Variants in DNAH8 observed in about 807,000 individuals in gnomAD.
DNAH8 encodes the protein dynein axonemal heavy chain 8.
DNAH8 carries 382 observed loss-of-function variants against 562.1 expected under a neutral mutation model. That is an observed-to-expected ratio of 0.68 (90% confidence interval 0.63 to 0.74). The LOEUF (loss-of-function observed/expected upper bound fraction) is 0.74. Ranked by LOEUF, DNAH8 falls within the 30% of genes least tolerant of loss-of-function variation. The pLI, the probability that DNAH8 is intolerant of heterozygous loss-of-function variation, is 0.00. For missense variants in DNAH8, 5,203 were observed against 5,620.4 expected, an observed-to-expected ratio of 0.93 and a Z score of 2.37; for synonymous variants, 1,881 against 1,919.4, an observed-to-expected ratio of 0.98 and a Z score of 0.52.
At chr6:38,970,070 C>A (rs541016103) in intron 82 of DNAH8, among the ~76,000 whole-genome samples, 21 of 152,220 alleles carry the variant, frequency 1.4e-4, no homozygotes, top group Admixed American at 1.2e-3. Flanking sequence ...CGCCTCTTGA[C>A]CCAATACCTG....
Position 38,790,309 on chromosome 6 carries a change from A to G in DNAH8, c.2685A>G (p.Gln895=), listed in dbSNP as rs878854273. 6.2e-7 allele frequency: 1 copy of G among 1,607,214 alleles called. No homozygotes were observed. Among genetic ancestry groups the G allele is most frequent in the Non-Finnish European group, 8.5e-7 (1 of 1,176,668 alleles). The part of the protein sequence containing the change: ...KMKKVESVLR[Q]GLTVLTWSSL... ...TCTAGGTGGAATCTGTGTTGAGGCA[A>G]GGACTCACAGTGTTAACATGGTCGT... Residue 895 remains glutamine, a synonymous_variant, in exon 20 of 93, where the codon CAA becomes CAG. Coordinates refer to ENST00000327475, the MANE Select transcript of DNAH8 (RefSeq NM_001206927.2).
At chr6:38,745,184 C>G (rs1764826627) in intron 8 of DNAH8, among the ~76,000 whole-genome samples, 1 of 152,180 alleles carries the variant, frequency 6.6e-6, no homozygotes, top group African/African-American at 2.4e-5. Flanking sequence ...ACACAACCTA[C>G]TGCAGGTGCA....
chr6:38,787,877 C>A (rs1738247), intron 18 of DNAH8, among the ~76,000 whole-genome samples: 95,724 of 151,802 alleles, frequency 0.63, 31,018 homozygotes, highest in East Asian at 0.85. Context: ...GCATTAACTC[C>A]TCTTCTTTGC....
At position 38,840,838 on chromosome 6, in the gene DNAH8, A is replaced by T. The variant is rs184535698; in HGVS notation, c.4467-1530A>T. Among the ~76,000 whole-genome samples, 27 of 152,274 alleles carry T rather than the reference A, an allele frequency of 1.8e-4. No homozygotes were observed. The East Asian group carries it at 3.7e-3, about 21-fold the overall frequency. ...ATGGTGTCTCTGGCATTCTTTTTAT[A>T]TACTTTTTTGAAAGATTTTGCAATA... is the stretch of plus-strand genomic sequence containing the variant. On this transcript the variant is annotated intron_variant, in intron 33 of 92. Transcript: ENST00000327475.
chr6:38,923,149 C>T lies in DNAH8; in HGVS notation c.10754C>T (p.Thr3585Ile), dbSNP rs1282978959. Residue 3585 changes from threonine to isoleucine, a missense_variant, in exon 72 of 93, where the codon ACC (threonine) becomes ATC (isoleucine). This residue lies in a region of DNAH8 where 1,399 missense variants were observed against 1,518.4 expected (regional missense o/e 0.92). Coordinates refer to ENST00000327475, the MANE Select transcript of DNAH8 (RefSeq NM_001206927.2). ...CTGAGTGGAGAAAAAATCCGGTGGA[C>T]CCAGCAAAGTAAAGAATTCAAAGCT... The part of the protein sequence containing the change: ...DGLSGEKIRW[T>I]QQSKEFKAQI... 2 of 1,613,630 alleles carry T rather than the reference C, an allele frequency of 1.2e-6. No homozygotes were observed. Among genetic ancestry groups the T allele is most frequent in the East Asian group, 2.2e-5 (1 of 44,794 alleles).
chr6:39,026,424 C>G lies in DNAH8; in HGVS notation c.13715-122C>G, dbSNP rs1583591612. The G allele has an allele frequency of 1.7e-5, 18 of 1,048,520 alleles. No individual in the cohort carries two copies. In the East Asian group the frequency reaches 4.4e-4, roughly 25 times the overall value. The allele number at this position is 1,048,520 out of a possible 1,614,324, so 65.0% of individuals were successfully genotyped here. On this transcript the variant is annotated intron_variant, in intron 91 of 92. Transcript: ENST00000327475. Reference sequence around the variant, plus strand: ...TGTCTCCCCTGGGGTTTGGCCTCAACTCCTTTTGAGATGGATGTGTAGTTT... The same window carrying G: ...TGTCTCCCCTGGGGTTTGGCCTCAAGTCCTTTTGAGATGGATGTGTAGTTT...
At chr6:38,947,736 TC>T (rs1761549396) in intron 80 of DNAH8, among the ~76,000 whole-genome samples, 1 of 147,984 alleles carries the variant, frequency 6.8e-6, no homozygotes, top group Non-Finnish European at 1.5e-5. Flanking sequence ...GTGAAACATT[TC>T]AGAAATCCTC....
chr6:38,978,452 A>C (rs1465717847), intron 85 of DNAH8, among the ~76,000 whole-genome samples: 5 of 152,222 alleles, frequency 3.3e-5, no homozygotes, highest in African/African-American at 1.2e-4. Flanking sequence ...GATGGTTATA[A>C]AATTCCTCAT....
At chr6:38,929,692 A>AT (rs767832447) in intron 75 of DNAH8, 26 bp downstream of exon 75, 2 of 1,420,194 alleles carry the variant, frequency 1.4e-6, no homozygotes, top group Non-Finnish European at 1.8e-6. Flanking sequence ...AAAAAAAAAA[A>AT]GAAAGAAAGA....
chr6:38,719,898 T>G (rs1205459616), intron 1 of DNAH8, among the ~76,000 whole-genome samples: 2 of 152,228 alleles, frequency 1.3e-5, no homozygotes, highest in Non-Finnish European at 2.9e-5. Flanking sequence ...GCAAGCTGGC[T>G]GTTTCTTCTC....
At chr6:38,805,413 G>T in intron 22 of DNAH8, 68 bp from the exon 23 acceptor site, 1 of 914,348 alleles carries the variant, frequency 1.1e-6, no homozygotes, top group Non-Finnish European at 1.8e-6. Context: ...AAGAGGATTT[G>T]GCCATGTAGA....
At chr6:38,858,195 C>G (rs1478259583) in intron 42 of DNAH8, among the ~76,000 whole-genome samples, 2 of 152,180 alleles carry the variant, frequency 1.3e-5, no homozygotes, top group Non-Finnish European at 2.9e-5. Context: ...AAATGGGACT[C>G]TAACCAGTGG....
In DNAH8 at chr6:38,766,686, A is replaced by G. The variant is rs199820436; in HGVS notation, c.1618-3727A>G. 3.3e-5 allele frequency among the ~76,000 whole-genome samples: 5 copies of G among 152,004 alleles called. No individual in the cohort carries two copies. The East Asian group carries it at 7.7e-4, about 24-fold the overall frequency. On this transcript the variant is annotated intron_variant, in intron 11 of 92. Coordinates refer to ENST00000327475, the MANE Select transcript of DNAH8 (RefSeq NM_001206927.2). ...GCTAAGAAAGTAGGTCACACCCCCAACCCCAAAAAGTAATTCACACCCCCC... is the reference window on the plus strand; with the variant it reads ...GCTAAGAAAGTAGGTCACACCCCCAGCCCCAAAAAGTAATTCACACCCCCC...
rs756700444 is a variant in DNAH8, at chr6:39,030,128, C to G, written c.13860C>G (p.Leu4620=). The G allele has an allele frequency of 4.3e-6, 7 of 1,613,786 alleles. No individual in the cohort carries two copies. The South Asian group carries it at 6.6e-5, about 15-fold the overall frequency. The change falls in exon 93 of 93, where the codon CTC becomes CTG. Residue 4620 remains leucine (L), a synonymous_variant. Transcript: ENST00000327475. Reference sequence around the variant, plus strand: ...AGGAAGGTGTGTATATTTATGGGCTCTACATGGATGGAGCAGCCTGGGACA... The same window carrying G: ...AGGAAGGTGTGTATATTTATGGGCTGTACATGGATGGAGCAGCCTGGGACA... The part of the protein sequence containing the change: ...PPGEGVYIYG[L]YMDGAAWDRR...
rs1425171277 is a variant in DNAH8, at chr6:38,729,939, G to GT, written c.564dup (p.Lys189Ter). 2.5e-6 allele frequency: 4 copies of GT among 1,599,878 alleles called. No homozygotes were observed. ...ACTAATTTTTTTGCGAAAGATGGTT[G>GT]TAAGACACTGAAATTTTTGTACCAA... On this transcript the variant is annotated frameshift_variant, in exon 4 of 93. Coordinates refer to ENST00000327475, the MANE Select transcript of DNAH8 (RefSeq NM_001206927.2). LOFTEE classifies it high-confidence loss of function.
chr6:39,011,215 A>G (rs938295866), intron 89 of DNAH8, among the ~76,000 whole-genome samples: 3 of 152,178 alleles, frequency 2.0e-5, no homozygotes, highest in Non-Finnish European at 4.4e-5. Flanking sequence ...CTTCTGCACC[A>G]TACTAGAGGC....
At chr6:38,760,584 T>C (rs963680292) in intron 10 of DNAH8, among the ~76,000 whole-genome samples, 2 of 152,132 alleles carry the variant, frequency 1.3e-5, no homozygotes, top group African/African-American at 4.8e-5. Flanking sequence ...CTCACTGATA[T>C]GGTTTGGATA....
chr6:38,884,052 T>G, intron 56 of DNAH8, 54 bp downstream of exon 56: 1 of 1,095,950 alleles, frequency 9.1e-7, no homozygotes, highest in South Asian at 3.4e-5. Context: ...TTTATGTATA[T>G]ATATTATATA....
rs553578959 is a variant in DNAH8, at chr6:38,814,089, C to G, written c.3293C>G (p.Ser1098Cys). Residue 1098 changes from serine (S) to cysteine (C), a missense_variant, in exon 25 of 93, where the codon TCC (serine) becomes TGC (cysteine). By Grantham distance (112) the Ser-to-Cys change is moderately radical (BLOSUM62 -1). Coordinates refer to ENST00000327475, the MANE Select transcript of DNAH8 (RefSeq NM_001206927.2). ...YGRKQSEDII[S>C]FIKSEVHLAI... ...CGAAAGCAGTCAGAAGATATTATTT[C>G]CTTTATAAAAAGTGAAGTACATCTT... 1.3e-6 allele frequency: 2 copies of G among 1,591,998 alleles called. No individual in the cohort carries two copies. The highest frequency in any genetic ancestry group is 1.7e-6 in the Non-Finnish European group (2 of 1,161,510).
Sources: allele counts gnomAD v4.1 joint callset (sites outside exome capture counted in the v4.1 genomes callset), GRCh38; gene constraint gnomAD v4.1.1; regional missense constraint gnomAD v4.1.1; transcripts MANE v1.5; gene names NCBI Gene and HGNC (gene_info 2026-07-23, HGNC 2026-07-21).